Variants in OR1J2 observed in about 807,000 individuals in gnomAD.
OR1J2 encodes olfactory receptor family 1 subfamily J member 2.
For missense variants in OR1J2, 304 were observed against 246.1 expected, an observed-to-expected ratio of 1.24 and a Z score of -1.57; for synonymous variants, 142 against 99.7, an observed-to-expected ratio of 1.42 and a Z score of -2.52.
At chr9:122,465,635 T>G in the OR1J2 span, among the ~76,000 whole-genome samples, 12 of 152,176 alleles carry the variant, frequency 7.9e-5, no homozygotes, top group African/African-American at 2.7e-4. Context: ...GAAACATACT[T>G]TAATTGGTAT....
chr9:122,580,423 A>G, the OR1J2 span, among the ~76,000 whole-genome samples: 4,030 of 152,288 alleles, frequency 0.026, 124 homozygotes, highest in African/African-American at 0.071. Flanking sequence ...ACCATTGAAT[A>G]ATAACCTTTC....
At chr9:122,514,531 T>C (rs12345112), downstream of OR1J2, among the ~76,000 whole-genome samples, 10,904 of 152,230 alleles carry the variant, frequency 0.072, 488 homozygotes, top group South Asian at 0.18. Context: ...TTGATAAACA[T>C]CTAAGTTGAT....
At chr9:122,552,767 T>TGTGTGC in the OR1J2 span, among the ~76,000 whole-genome samples, 3 of 90,758 alleles carry the variant, frequency 3.3e-5, no homozygotes, top group Non-Finnish European at 8.0e-5. Flanking sequence ...TGTGTGTGTG[T>TGTGTGC]GTGTGTGTGT....
At chr9:122,572,300 A>G in the OR1J2 span, among the ~76,000 whole-genome samples, 36 of 152,316 alleles carry the variant, frequency 2.4e-4, no homozygotes, top group South Asian at 6.8e-3. Flanking sequence ...GTGAGATACC[A>G]TGTCTGAAAA....
the OR1J2 span, among the ~76,000 whole-genome samples, chr9:122,540,283 A>G: frequency 6.6e-6 from 1 of 152,056 alleles, no homozygotes; most frequent in South Asian, 2.1e-4. Flanking sequence ...TTCTTGAATT[A>G]ATTTTTGTAT....
chr9:122,519,925 C>A, the OR1J2 span: 1 of 1,614,124 alleles, frequency 6.2e-7, no homozygotes, highest in Non-Finnish European at 8.5e-7. Context: ...TATTTTCTCC[C>A]CTCATCCAGT....
the OR1J2 span, among the ~76,000 whole-genome samples, chr9:122,456,604 T>C: frequency 2.0e-5 from 3 of 152,204 alleles, no homozygotes; most frequent in Admixed American, 2.0e-4. Context: ...TTTATAAAAG[T>C]AGTTTAGAAA....
At chr9:122,473,353 G>T in the OR1J2 span, among the ~76,000 whole-genome samples, 1 of 152,198 alleles carries the variant, frequency 6.6e-6, no homozygotes, top group African/African-American at 2.4e-5. Context: ...TGATCTCCTA[G>T]TAGGGCCCTA....
chr9:122,469,872 T>C, the OR1J2 span, among the ~76,000 whole-genome samples: 1 of 151,980 alleles, frequency 6.6e-6, no homozygotes, highest in African/African-American at 2.4e-5. Flanking sequence ...CCGTGGAGCT[T>C]TGAATTTGAG....
the OR1J2 span, chr9:122,553,106 C>G: frequency 8.3e-7 from 1 of 1,200,118 alleles, no homozygotes; most frequent in Non-Finnish European, 1.2e-6. Flanking sequence ...TCTTTTTCTC[C>G]CAGCACAGTT....
chr9:122,462,845 A>C, the OR1J2 span, among the ~76,000 whole-genome samples: 10 of 152,348 alleles, frequency 6.6e-5, no homozygotes, highest in Non-Finnish European at 1.3e-4. Flanking sequence ...TTTGCCTCGC[A>C]GCTCTTAAGA....
the OR1J2 span, among the ~76,000 whole-genome samples, chr9:122,474,311 A>G: frequency 6.6e-6 from 1 of 152,352 alleles, no homozygotes; most frequent in Middle Eastern, 3.4e-3. Context: ...TTTAATGATG[A>G]AATCCAGATG....
At chr9:122,573,457 T>G in the OR1J2 span, among the ~76,000 whole-genome samples, 1 of 152,238 alleles carries the variant, frequency 6.6e-6, no homozygotes, top group Non-Finnish European at 1.5e-5. Context: ...TATACAGTGG[T>G]ATGTCATTGT....
the OR1J2 span, among the ~76,000 whole-genome samples, chr9:122,531,118 T>C: frequency 6.6e-6 from 1 of 152,100 alleles, no homozygotes; most frequent in Non-Finnish European, 1.5e-5. Flanking sequence ...GTTTCTCAGG[T>C]CTGCTTCAAG....
At chr9:122,475,922 T>C in the OR1J2 span, 1 of 152,244 alleles carries the variant, frequency 6.6e-6, no homozygotes, top group African/African-American at 2.4e-5. Flanking sequence ...TATTATAGTC[T>C]TTGCTACACT....
At chr9:122,483,768 T>G in the OR1J2 span, among the ~76,000 whole-genome samples, 135 of 152,346 alleles carry the variant, frequency 8.9e-4, 1 homozygote, top group East Asian at 0.023. Context: ...ATAAGTACAT[T>G]AGGTCATATG....
At chr9:122,507,865 T>C (rs961690311), upstream of OR1J2, among the ~76,000 whole-genome samples, 1 of 152,070 alleles carries the variant, frequency 6.6e-6, no homozygotes, top group African/African-American at 2.4e-5. Flanking sequence ...TGCAAGCAAA[T>C]GTACTAGGGG....
At chr9:122,502,117 A>G in the OR1J2 span, among the ~76,000 whole-genome samples, 1 of 152,240 alleles carries the variant, frequency 6.6e-6, no homozygotes, top group African/African-American at 2.4e-5. Flanking sequence ...CAGTGGCCAG[A>G]GAAAACCCTT....
chr9:122,520,131 C>CAT, the OR1J2 span: 1 of 1,361,382 alleles, frequency 7.3e-7, no homozygotes, highest in South Asian at 1.3e-5. Context: ...ATTTCCAGAT[C>CAT]ATAGATCCTT....
Sources: allele counts gnomAD v4.1 joint callset (sites outside exome capture counted in the v4.1 genomes callset), GRCh38; gene constraint gnomAD v4.1.1; transcripts MANE v1.5; gene names NCBI Gene and HGNC (gene_info 2026-07-23, HGNC 2026-07-21).